The following KCNIP3 variants were observed in gnomAD, a reference collection of about 807,000 sequenced individuals.
The protein encoded by KCNIP3 is calsenilin.
In KCNIP3, 28 loss-of-function variants were observed where a neutral mutation model predicts 35.0. The observed-to-expected ratio is 0.80, with a 90% CI of 0.59 to 1.10. The LOEUF is 1.10. KCNIP3 is among the 50% of genes least tolerant of loss of function. The pLI, the probability that KCNIP3 is intolerant of heterozygous loss-of-function variation, is 0.00. For synonymous variants in KCNIP3, 134 were observed against 133.8 expected (o/e 1.00, Z -0.01); for missense variants, 295 against 338.4 (o/e 0.87, Z 1.01).
intron 2 of KCNIP3, among the ~76,000 whole-genome samples, chr2:95,331,189 C>T (rs536669296): frequency 1.2e-4 from 18 of 152,048 alleles, no homozygotes; most frequent in Non-Finnish European, 2.4e-4. Context: ...GCAGCGGAGG[C>T]GGGAGGGAGC....
chr2:95,353,621 A>G (rs2104276360), intron 2 of KCNIP3, among the ~76,000 whole-genome samples: 1 of 152,288 alleles, frequency 6.6e-6, no homozygotes, highest in Admixed American at 6.5e-5. Flanking sequence ...CTGAGCCAAA[A>G]ACACTTTGGA....
At chr2:95,322,608 G>A (rs1282964818) in intron 2 of KCNIP3, among the ~76,000 whole-genome samples, 1 of 152,210 alleles carries the variant, frequency 6.6e-6, no homozygotes, top group Non-Finnish European at 1.5e-5. Context: ...GGCAGGGCTG[G>A]TGATAGTTGG....
intron 1 of KCNIP3, among the ~76,000 whole-genome samples, chr2:95,302,681 G>A (rs1175562013): frequency 6.6e-6 from 1 of 152,152 alleles, no homozygotes; most frequent in Non-Finnish European, 1.5e-5. Context: ...ACTGAGGCTC[G>A]GAGCTGTCAG....
rs1178936498 is a variant in KCNIP3 at position 95,378,628 on chromosome 2, T to TGGGAGG, written c.448-2968_448-2967insGGGAGG. Among the ~76,000 whole-genome samples the TGGGAGG allele has an allele frequency of 6.6e-6, 1 of 151,100 alleles. No individual in the cohort carries two copies. The highest frequency in any genetic ancestry group is 1.5e-5 in the Non-Finnish European group (1 of 67,854). ...GGGCATGGTGGCGGGTGCCTATAAT[T>TGGGAGG]CCAGCTGCTTGGGAGGCTGAGGCAA... On this transcript the variant is annotated intron_variant, in intron 5 of 8. Coordinates refer to ENST00000295225, the MANE Select transcript of KCNIP3 (RefSeq NM_013434.5). The surrounding 1 kb of genome is among the most constrained non-coding windows in gnomAD (Gnocchi z 4.0).
intron 2 of KCNIP3, among the ~76,000 whole-genome samples, chr2:95,366,083 G>A (rs533987115): frequency 6.6e-6 from 1 of 152,256 alleles, no homozygotes; most frequent in African/African-American, 2.4e-5. Flanking sequence ...CAGGGCTCAA[G>A]CAGTCCTCCC....
At chr2:95,351,829 G>T (rs1475035711) in intron 2 of KCNIP3, among the ~76,000 whole-genome samples, 1 of 152,070 alleles carries the variant, frequency 6.6e-6, no homozygotes, top group African/African-American at 2.4e-5. Context: ...AACAAAAAAA[G>T]ATCCAAGTGG....
At chr2:95,305,364 TGCAGGA>T (rs2104202216) in intron 1 of KCNIP3, among the ~76,000 whole-genome samples, 1 of 152,348 alleles carries the variant, frequency 6.6e-6, no homozygotes, top group Non-Finnish European at 1.5e-5. Flanking sequence ...CACATGCAGT[TGCAGGA>T]GCTCACAAAG....
intron 2 of KCNIP3, among the ~76,000 whole-genome samples, chr2:95,347,669 C>A (rs370480241): frequency 1.3e-5 from 2 of 152,364 alleles, no homozygotes; most frequent in South Asian, 4.1e-4. Flanking sequence ...AGGAGACAGA[C>A]CCACACTTGG....
chr2:95,336,941 C>T (rs1460921270), intron 2 of KCNIP3, among the ~76,000 whole-genome samples: 1 of 152,178 alleles, frequency 6.6e-6, no homozygotes, highest in East Asian at 1.9e-4. Context: ...CTGCTCTCAA[C>T]ATCGCTGCAG....
At chr2:95,325,816 CACAT>C (rs1426376023) in intron 2 of KCNIP3, among the ~76,000 whole-genome samples, 5 of 149,214 alleles carry the variant, frequency 3.4e-5, no homozygotes, top group African/African-American at 5.0e-5. Flanking sequence ...CACTCATACA[CACAT>C]ACACATACAC....
chr2:95,374,922 G>A lies in KCNIP3; in HGVS notation c.376+5G>A. On this transcript the variant is annotated splice_donor_5th_base_variant and intron_variant, in intron 4 of 8. Transcript: ENST00000295225. ...CGCAGTTCTTCCCTCAGGGAGGTGA[G>A]TCTGAGGCAGGGCAGCCCTGCTGTG... 6.2e-7 allele frequency: 1 copy of A among 1,613,778 alleles called. No individual in the cohort carries two copies. Among genetic ancestry groups the A allele is most frequent in the Non-Finnish European group, 8.5e-7 (1 of 1,179,880 alleles).
intron 2 of KCNIP3, among the ~76,000 whole-genome samples, chr2:95,362,113 CTT>C (rs1271280235): frequency 7.1e-6 from 1 of 140,968 alleles, no homozygotes. Flanking sequence ...TTTTTTTTTT[CTT>C]TTTTTTTTTG....
chr2:95,323,035 C>T (rs1678636123), intron 2 of KCNIP3, among the ~76,000 whole-genome samples: 1 of 152,228 alleles, frequency 6.6e-6, no homozygotes. Context: ...CCCGCTCTGG[C>T]CTCCACCCAC....
chr2:95,360,457 C>CT (rs1221143871), intron 2 of KCNIP3, among the ~76,000 whole-genome samples: 4 of 152,178 alleles, frequency 2.6e-5, no homozygotes, highest in Non-Finnish European at 5.9e-5. Flanking sequence ...TGGCGACAGG[C>CT]TTTTTTCTAG....
intron 2 of KCNIP3, among the ~76,000 whole-genome samples, chr2:95,347,485 G>A (rs908985439): frequency 1.3e-5 from 2 of 152,196 alleles, no homozygotes; most frequent in African/African-American, 4.8e-5. Context: ...CTCAGCCCAG[G>A]GCACCTGGCA....
rs1410121913 is a variant in KCNIP3, at chr2:95,377,575, G to A, written c.447+2367G>A. Among the ~76,000 whole-genome samples the A allele has an allele frequency of 1.3e-5, 2 of 152,258 alleles. No individual in the cohort carries two copies. Among genetic ancestry groups the A allele is most frequent in the Non-Finnish European group, 2.9e-5 (2 of 68,052 alleles). On this transcript the variant is annotated intron_variant, in intron 5 of 8. Transcript: ENST00000295225. This position sits in a 1 kb window ranked among gnomAD's most constrained non-coding sequence, Gnocchi z 4.7. The stretch of plus-strand genomic sequence containing the variant: ...GGGACAGCCGTAGAACAGAGGCTGT[G>A]GATGTGACAGGGTTCCTACACTTTG...
chr2:95,352,110 A>G (rs541102977), intron 2 of KCNIP3, among the ~76,000 whole-genome samples: 79 of 152,250 alleles, frequency 5.2e-4, no homozygotes, highest in African/African-American at 1.9e-3. Context: ...TAAAAATACA[A>G]AAATTAGCCG....
chr2:95,312,344 G>A (rs1331326386), intron 2 of KCNIP3: 1 of 152,372 alleles, frequency 6.6e-6, no homozygotes, highest in Non-Finnish European at 1.5e-5. Flanking sequence ...AGGTGACAGA[G>A]GGGCCGGCAT....
At position 95,384,181 on chromosome 2, in the gene KCNIP3, C is replaced by CACACAA; in HGVS notation, c.*137_*138insAACACA. The CACACAA allele has an allele frequency of 1.5e-6, 1 of 648,272 alleles. No individual in the cohort carries two copies. Among genetic ancestry groups the CACACAA allele is most frequent in the East Asian group, 2.7e-5 (1 of 36,430 alleles). 40.2% of individuals were successfully genotyped at this position (648,272 alleles called of 1,614,324 possible). ...GTGAACAGATTGCTACACACACACACACACACACACACACACACACACACA... is the reference window on the plus strand; with the variant it reads ...GTGAACAGATTGCTACACACACACACACACAAACACACACACACACACACACACACA... On this transcript the variant is annotated 3_prime_UTR_variant, in exon 9 of 9. Coordinates refer to ENST00000295225, the MANE Select transcript of KCNIP3 (RefSeq NM_013434.5).
Sources: gnomAD v4.1 joint callset for allele counts (sites outside exome capture counted in the v4.1 genomes callset) on GRCh38, gnomAD v4.1.1 for gene constraint, Gnocchi (gnomAD v3.1) non-coding constraint, MANE v1.5 for transcripts, NCBI Gene and HGNC (gene_info 2026-07-23, HGNC 2026-07-21) for gene names.